Variants in MTMR2 observed in about 807,000 individuals in gnomAD.
MTMR2 encodes myotubularin related protein 2.
A neutral mutation model predicts 86.9 loss-of-function variants in MTMR2; 55 were observed. The observed-to-expected ratio is 0.63, with a 90% CI of 0.51 to 0.79. MTMR2 has a LOEUF of 0.79. Ranked by LOEUF, MTMR2 falls within the 30% of genes least tolerant of loss-of-function variation. The pLI is 0.00. For missense variants in MTMR2, 659 were observed against 772.3 expected (o/e 0.85, Z 1.74); for synonymous variants, 241 against 266.8 (o/e 0.90, Z 0.94).
intron 7 of MTMR2, among the ~76,000 whole-genome samples, chr11:95,853,182 A>C (rs1042241055): frequency 6.6e-6 from 1 of 151,336 alleles, no homozygotes; most frequent in African/African-American, 2.4e-5. Flanking sequence ...AAGTACAGTG[A>C]ATTGGCAAGT....
At chr11:95,879,811 T>C (rs1452440370) in intron 2 of MTMR2, among the ~76,000 whole-genome samples, 3 of 152,150 alleles carry the variant, frequency 2.0e-5, no homozygotes, top group African/African-American at 7.2e-5. Flanking sequence ...TCTCCAGACT[T>C]GTCATTACAA....
intron 1 of MTMR2, among the ~76,000 whole-genome samples, chr11:95,910,783 T>C (rs1205689057): frequency 6.6e-6 from 1 of 152,122 alleles, no homozygotes; most frequent in Non-Finnish European, 1.5e-5. Context: ...AACAAGCTTT[T>C]CTAGGAACGC....
intron 2 of MTMR2, among the ~76,000 whole-genome samples, chr11:95,874,523 A>G (rs999620079): frequency 6.6e-6 from 1 of 152,122 alleles, no homozygotes; most frequent in Non-Finnish European, 1.5e-5. Flanking sequence ...AATACAGCAC[A>G]CTGATGGGTC....
At chr11:95,911,041 C>G (rs140924471) in intron 1 of MTMR2, among the ~76,000 whole-genome samples, 1 of 152,044 alleles carries the variant, frequency 6.6e-6, no homozygotes, top group African/African-American at 2.4e-5. Context: ...GTGCCAGAAC[C>G]CTGCATTAAA....
Position 95,924,038 on chromosome 11 carries a change from A to T in MTMR2, c.-84T>A, listed in dbSNP as rs1057341279. 2 of 1,517,902 alleles carry T rather than the reference A, an allele frequency of 1.3e-6. No homozygotes were observed. The highest frequency in any genetic ancestry group is 1.8e-6 in the Non-Finnish European group (2 of 1,118,924). The allele number at this position is 1,517,902 out of a possible 1,614,324, so 94.0% of individuals were successfully genotyped here. A position where few individuals can be genotyped will look rare whatever the true frequency, so the allele number is the denominator to read the frequency against. ...AGAAGCGGAGGGCGGAGTGCTACGGACCGGGGCCGCAGTCAGGCCAGCGCC... is the reference window on the plus strand; with the variant it reads ...AGAAGCGGAGGGCGGAGTGCTACGGTCCGGGGCCGCAGTCAGGCCAGCGCC... On this transcript the variant is annotated 5_prime_UTR_variant, in exon 1 of 15. Transcript: ENST00000346299.
chr11:95,832,973 T>C lies in MTMR2; in HGVS notation c.*2317A>G, dbSNP rs1202855776. On this transcript the variant is annotated 3_prime_UTR_variant, in exon 15 of 15. Coordinates refer to ENST00000346299, the MANE Select transcript of MTMR2 (RefSeq NM_016156.6). Reference sequence around the variant, plus strand: ...ATGTGAATTGTTCATTCCAATATAATGTGAATTGCAGTGGTAGTAGCGGTA... The same window carrying C: ...ATGTGAATTGTTCATTCCAATATAACGTGAATTGCAGTGGTAGTAGCGGTA... 1 of 152,128 alleles carries C rather than the reference T, an allele frequency of 6.6e-6. No individual in the cohort carries two copies. The highest frequency in any genetic ancestry group is 1.5e-5 in the Non-Finnish European group (1 of 68,016). 9.4% of individuals were successfully genotyped at this position (152,128 alleles called of 1,614,324 possible). A position where few individuals can be genotyped will look rare whatever the true frequency, so the allele number is the denominator to read the frequency against.
chr11:95,919,714 A>G (rs180847724), intron 1 of MTMR2, among the ~76,000 whole-genome samples: 2 of 152,324 alleles, frequency 1.3e-5, no homozygotes, highest in African/African-American at 4.8e-5. Context: ...TTCAGCTTAG[A>G]CCTGAAATTG....
chr11:95,850,294 T>C (rs936218868), intron 8 of MTMR2, among the ~76,000 whole-genome samples: 8 of 151,900 alleles, frequency 5.3e-5, no homozygotes, highest in Non-Finnish European at 7.4e-5. Flanking sequence ...AAAAGAACAT[T>C]TATCATCATG....
intron 1 of MTMR2, among the ~76,000 whole-genome samples, chr11:95,896,751 A>G (rs1412686617): frequency 6.6e-6 from 1 of 152,036 alleles, no homozygotes; most frequent in Non-Finnish European, 1.5e-5. Flanking sequence ...ATGGGTAGGG[A>G]AGGTGGAAGT....
rs1283111902 is a variant in MTMR2, at chr11:95,833,979, TA to T, written c.*1310del. 1.3e-5 allele frequency: 2 copies of T among 152,324 alleles called. No individual in the cohort carries two copies. Among genetic ancestry groups the T allele is most frequent in the Non-Finnish European group, 2.9e-5 (2 of 67,980 alleles). 9.4% of individuals were successfully genotyped at this position (152,324 alleles called of 1,614,324 possible). ...TTAATTGTTTGATTTGGGTGTTGGT[TA>T]AGGAAAAATGGGTACAAACTGAACA... is the stretch of plus-strand genomic sequence containing the variant. On this transcript the variant is annotated 3_prime_UTR_variant, in exon 15 of 15. Transcript: ENST00000346299.
intron 1 of MTMR2, among the ~76,000 whole-genome samples, chr11:95,910,103 ACACACACACACGCACGCATGCACG>A (rs1455648076): frequency 6.8e-6 from 1 of 147,952 alleles, no homozygotes. Context: ...ATATAAACAC[ACACACACACACGCACGCATGCACG>A]CACACACACA....
rs111279686 is a variant in MTMR2, at chr11:95,912,238, C to T, written c.80+11637G>A. ...TCCATGCCTGCCAAGGATATCTCTC[C>T]CTAATTTTGAATACTCTTCCCTATT... On this transcript the variant is annotated intron_variant, in intron 1 of 14. Coordinates refer to ENST00000346299, the MANE Select transcript of MTMR2 (RefSeq NM_016156.6). Among the ~76,000 whole-genome samples, 283 of 151,870 alleles carry T rather than the reference C, an allele frequency of 1.9e-3. 1 individual carries two copies. The highest frequency in any genetic ancestry group is 6.3e-3 in the African/African-American group (261 of 41,476).
At chr11:95,849,608 CTG>C in intron 9 of MTMR2, 64 bp downstream of exon 9, 2 of 1,431,798 alleles carry the variant, frequency 1.4e-6, no homozygotes, top group Non-Finnish European at 2.0e-6. Flanking sequence ...TTTTACTACA[CTG>C]TGGCCCTGCC....
chr11:95,877,289 T>C (rs1384581283), intron 2 of MTMR2, among the ~76,000 whole-genome samples: 1 of 143,598 alleles, frequency 7.0e-6, no homozygotes, highest in East Asian at 2.1e-4. Flanking sequence ...ATCTTAGTGG[T>C]TACACATTTC....
intron 1 of MTMR2, among the ~76,000 whole-genome samples, chr11:95,900,739 ACACT>A (rs537882728): frequency 6.2e-4 from 95 of 152,294 alleles, no homozygotes; most frequent in African/African-American, 2.2e-3. Flanking sequence ...GCACGCACAC[ACACT>A]CACATGCATA....
chr11:95,907,290 T>C (rs545484692), intron 1 of MTMR2, among the ~76,000 whole-genome samples: 1 of 151,940 alleles, frequency 6.6e-6, no homozygotes, highest in Non-Finnish European at 1.5e-5. Flanking sequence ...CCTGGAAACA[T>C]ACAACCTTCC....
chr11:95,865,827 T>C (rs559442097), intron 2 of MTMR2, 151 bp from the exon 3 acceptor site: 1 of 683,604 alleles, frequency 1.5e-6, no homozygotes. Flanking sequence ...AGTGTTGGCA[T>C]GTATAATATA....
chr11:95,891,975 T>C (rs1185551885), intron 1 of MTMR2, among the ~76,000 whole-genome samples: 1 of 152,198 alleles, frequency 6.6e-6, no homozygotes, highest in Non-Finnish European at 1.5e-5. Context: ...GTGCTGCCTT[T>C]AGCAGCTACT....
chr11:95,837,993 C>A, intron 13 of MTMR2, 101 bp downstream of exon 13: 1 of 775,150 alleles, frequency 1.3e-6, no homozygotes, highest in Non-Finnish European at 2.3e-6. Context: ...AAAGTATGAC[C>A]CAAAAGAATG....
Sources: gnomAD v4.1 joint callset for allele counts (sites outside exome capture counted in the v4.1 genomes callset) on GRCh38, gnomAD v4.1.1 for gene constraint, MANE v1.5 for transcripts, NCBI Gene and HGNC (gene_info 2026-07-23, HGNC 2026-07-21) for gene names.